Variants in SGPP2 observed in about 807,000 individuals in gnomAD.
SGPP2 encodes sphingosine-1-phosphate phosphatase 2.
A neutral mutation model predicts 33.9 loss-of-function variants in SGPP2; 30 were observed. That is an observed-to-expected ratio of 0.89 (90% CI 0.66 to 1.20). The LOEUF is 1.20. Among genes scored for constraint, SGPP2 ranks in the 50% most tolerant of loss-of-function variants. The pLI is 0.00. For missense variants in SGPP2, 458 were observed against 532.1 expected, an observed-to-expected ratio of 0.86 and a Z score of 1.37; for synonymous variants, 233 against 225.0, an observed-to-expected ratio of 1.04 and a Z score of -0.32.
chr2:222,475,209 A>G (rs928035779), intron 2 of SGPP2, among the ~76,000 whole-genome samples: 7 of 152,328 alleles, frequency 4.6e-5, no homozygotes, highest in Admixed American at 1.3e-4. Flanking sequence ...AGCTGGGACT[A>G]CAGATGTGCA....
chr2:222,517,953 A>G lies in SGPP2; in HGVS notation c.379-3814A>G, dbSNP rs995719603. 1.7e-4 allele frequency among the ~76,000 whole-genome samples: 26 copies of G among 152,280 alleles called. 1 individual carries two copies. In the Middle Eastern group the frequency reaches 0.017, roughly 100 times the overall value. ...TACACATACTCATAGAATTCTGTGG[A>G]TTGTTTTTCAAAGCCTTTTCACATT... On this transcript the variant is annotated intron_variant, in intron 2 of 4. Coordinates refer to ENST00000321276, the MANE Select transcript of SGPP2 (RefSeq NM_152386.4).
At chr2:222,470,207 A>G (rs1183493670) in intron 1 of SGPP2, among the ~76,000 whole-genome samples, 2 of 152,204 alleles carry the variant, frequency 1.3e-5, no homozygotes, top group Non-Finnish European at 2.9e-5. Flanking sequence ...AGGTGCAGCA[A>G]ACCACCATGG....
intron 1 of SGPP2, among the ~76,000 whole-genome samples, chr2:222,443,016 G>A (rs1241912632): frequency 6.6e-6 from 1 of 152,118 alleles, no homozygotes; most frequent in Non-Finnish European, 1.5e-5. Flanking sequence ...ACATTTGCTT[G>A]TAGTGACCTT....
At chr2:222,492,111 C>G (rs1311396929) in intron 2 of SGPP2, among the ~76,000 whole-genome samples, 2 of 152,186 alleles carry the variant, frequency 1.3e-5, no homozygotes, top group African/African-American at 4.8e-5. Flanking sequence ...GCAGCTTTTT[C>G]AGACACATGG....
intron 2 of SGPP2, among the ~76,000 whole-genome samples, chr2:222,515,001 C>T (rs1185309763): frequency 6.6e-6 from 1 of 151,720 alleles, no homozygotes; most frequent in South Asian, 2.1e-4. Flanking sequence ...ATTCATCAAC[C>T]CATTCAGCAT....
intron 1 of SGPP2, among the ~76,000 whole-genome samples, chr2:222,449,763 A>T (rs1697455639): frequency 6.6e-6 from 1 of 152,198 alleles, no homozygotes; most frequent in Non-Finnish European, 1.5e-5. Context: ...GAGTTTTAAA[A>T]TTCTGGCAAC....
chr2:222,529,189 T>C (rs1698802805), intron 4 of SGPP2, among the ~76,000 whole-genome samples: 1 of 152,232 alleles, frequency 6.6e-6, no homozygotes. Flanking sequence ...CATCTTCACC[T>C]GGAGTAGATT....
rs1247391841 is a variant in SGPP2 at position 222,465,782 on chromosome 2, T to A, written c.220-8786T>A. On this transcript the variant is annotated intron_variant, in intron 1 of 4. Transcript: ENST00000321276. The surrounding 1 kb of genome is among the most constrained non-coding windows in gnomAD (Gnocchi z 4.1). ...CTCTTGAGGTCATCTCCTCTCTGTCTCTTTCACACATATCCCAGCAGGCAG... is the reference window on the plus strand; with the variant it reads ...CTCTTGAGGTCATCTCCTCTCTGTCACTTTCACACATATCCCAGCAGGCAG... Among the ~76,000 whole-genome samples the A allele has an allele frequency of 6.6e-6, 1 of 152,146 alleles. No individual in the cohort carries two copies. The highest frequency in any genetic ancestry group is 6.5e-5 in the Admixed American group (1 of 15,272).
chr2:222,434,576 T>C (rs1052656869), intron 1 of SGPP2, among the ~76,000 whole-genome samples: 2 of 152,234 alleles, frequency 1.3e-5, no homozygotes, highest in African/African-American at 4.8e-5. Flanking sequence ...ATACCTCTAT[T>C]GTTTAATGAG....
At chr2:222,452,707 A>G (rs557423523) in intron 1 of SGPP2, 1 of 1,376,964 alleles carries the variant, frequency 7.3e-7, no homozygotes, top group Non-Finnish European at 1.0e-6. Context: ...GAATTGCTCC[A>G]GGTCTGGTTG....
At chr2:222,527,112 C>CT (rs1172543627) in intron 4 of SGPP2, among the ~76,000 whole-genome samples, 2 of 152,112 alleles carry the variant, frequency 1.3e-5, no homozygotes, top group South Asian at 4.1e-4. Context: ...ACAGCTACAG[C>CT]TTTTTCTTTT....
intron 1 of SGPP2, among the ~76,000 whole-genome samples, chr2:222,431,751 A>G (rs1337314360): frequency 1.3e-5 from 2 of 152,188 alleles, no homozygotes; most frequent in Non-Finnish European, 2.9e-5. Flanking sequence ...AGGCAGCCAC[A>G]GCCAGGCAGG....
chr2:222,459,296 G>A (rs1015318093), intron 1 of SGPP2, among the ~76,000 whole-genome samples: 1 of 151,758 alleles, frequency 6.6e-6, no homozygotes, highest in South Asian at 2.1e-4. Context: ...ACAGGCACAT[G>A]CCACCACACC....
At chr2:222,544,702 T>C (rs1240535405) in intron 4 of SGPP2, among the ~76,000 whole-genome samples, 3 of 152,190 alleles carry the variant, frequency 2.0e-5, no homozygotes, top group Non-Finnish European at 4.4e-5. Flanking sequence ...CCAAGATTGG[T>C]TGAATCCAGA....
At chr2:222,453,283 G>A (rs1191240293) in intron 1 of SGPP2, among the ~76,000 whole-genome samples, 1 of 152,142 alleles carries the variant, frequency 6.6e-6, no homozygotes, top group Non-Finnish European at 1.5e-5. Context: ...GGGACAAGCT[G>A]GATTCACACT....
chr2:222,512,404 C>T (rs1280650570), intron 2 of SGPP2, among the ~76,000 whole-genome samples: 3 of 151,866 alleles, frequency 2.0e-5, no homozygotes, highest in Non-Finnish European at 4.4e-5. Context: ...ACGCCACATA[C>T]ACACAACCTC....
intron 1 of SGPP2, among the ~76,000 whole-genome samples, chr2:222,472,560 G>A (rs779026047): frequency 3.3e-5 from 5 of 152,146 alleles, no homozygotes; most frequent in African/African-American, 7.2e-5. Context: ...GAAGTCACAC[G>A]CCTGGTCAGT....
At chr2:222,427,519 C>T (rs1697089131) in intron 1 of SGPP2, among the ~76,000 whole-genome samples, 1 of 152,042 alleles carries the variant, frequency 6.6e-6, no homozygotes, top group Non-Finnish European at 1.5e-5. Context: ...CTCAAGTGAT[C>T]CTTCTGCCTC....
intron 1 of SGPP2, among the ~76,000 whole-genome samples, chr2:222,462,674 C>T (rs942924105): frequency 3.3e-5 from 5 of 152,024 alleles, no homozygotes; most frequent in Admixed American, 6.5e-5. Context: ...CCTGCACTCA[C>T]GATTATGCAT....
Sources: gnomAD v4.1 joint callset for allele counts (sites outside exome capture counted in the v4.1 genomes callset) on GRCh38, gnomAD v4.1.1 for gene constraint, Gnocchi (gnomAD v3.1) non-coding constraint, MANE v1.5 for transcripts, NCBI Gene and HGNC (gene_info 2026-07-23, HGNC 2026-07-21) for gene names.